The following TTN variants were observed in gnomAD, a reference collection of about 807,000 sequenced individuals.
TTN encodes the protein titin.
A neutral mutation model predicts 3,223.0 loss-of-function variants in TTN; 1,525 were observed. The observed-to-expected ratio is 0.47, with a 90% CI of 0.45 to 0.49. The LOEUF (loss-of-function observed/expected upper bound fraction) is 0.49. Ranked by LOEUF, TTN falls within the 20% of genes least tolerant of loss-of-function variation. TTN has a pLI of 0.00. For missense variants in TTN, 40,786 were observed against 43,424.0 expected, an observed-to-expected ratio of 0.94 and a Z score of 5.40; for synonymous variants, 14,094 against 15,161.0, an observed-to-expected ratio of 0.93 and a Z score of 5.17.
chr2:178,536,669 A>G, intron 356 of TTN, 94 bp from the exon 357 acceptor site: 1 of 1,134,558 alleles, frequency 8.8e-7, no homozygotes, highest in Non-Finnish European at 1.2e-6. Context: ...TGAGTCCAAA[A>G]TTTTGTTAAA....
In TTN at chr2:178,543,463, T is replaced by C; in HGVS notation, c.96510A>G (p.Val32170=). Residue 32170 remains valine, a synonymous_variant, in exon 347 of 363, where the codon GTA becomes GTG. Transcript: ENST00000589042. ...SKTLYRISGL[V]EGTMYYFRVL... ...CTCTGAAATAGTACATGGTTCCTTC[T>C]ACAAGTCCAGAAATTCTGTAAAGTG... 7 of 1,613,818 alleles carry C rather than the reference T, an allele frequency of 4.3e-6. No homozygotes were observed. The highest frequency in any genetic ancestry group is 5.9e-6 in the Non-Finnish European group (7 of 1,179,784).
intron 307 of TTN, 131 bp from the exon 308 acceptor site, chr2:178,586,938 A>G: frequency 7.3e-7 from 1 of 1,372,608 alleles, no homozygotes; most frequent in Non-Finnish European, 1.0e-6. Context: ...CATTAAAAGC[A>G]AAACATATAA....
At position 178,578,726 on chromosome 2, in the gene TTN, G is replaced by A; in HGVS notation, c.68225-11C>T. The A allele has an allele frequency of 6.2e-7, 1 of 1,606,926 alleles. No individual in the cohort carries two copies. Among genetic ancestry groups the A allele is most frequent in the Non-Finnish European group, 8.5e-7 (1 of 1,177,836 alleles). On this transcript the variant is annotated splice_polypyrimidine_tract_variant and intron_variant, in intron 320 of 362. Transcript: ENST00000589042. Reference sequence around the variant, plus strand: ...GAGCATCAGGCACATCTAGAAAAAAGTAGATAATGCAAGATTTATAATAAG... The same window carrying A: ...GAGCATCAGGCACATCTAGAAAAAAATAGATAATGCAAGATTTATAATAAG...
At position 178,609,377 on chromosome 2, in the gene TTN, T is replaced by C. The variant is rs770822382; in HGVS notation, c.51933A>G (p.Glu17311=). 25 of 1,612,218 alleles carry C rather than the reference T, an allele frequency of 1.6e-5. No individual in the cohort carries two copies. The highest frequency in any genetic ancestry group is 2.1e-5 in the Non-Finnish European group (25 of 1,179,050). Residue 17311 remains glutamate, a synonymous_variant, in exon 273 of 363, where the codon GAA becomes GAG. Transcript: ENST00000589042. ...VRRRKGEVQE[E]EPFVLPLTQR... is the part of the protein sequence containing the mutation. ...GTGTCAGAGGCAGGACAAATGGTTCTTCTTCTTGAACTTCACCCTTCCTTC... is the reference window on the plus strand; with the variant it reads ...GTGTCAGAGGCAGGACAAATGGTTCCTCTTCTTGAACTTCACCCTTCCTTC...
Position 178,629,347 on chromosome 2 carries a change from G to T in TTN, c.44378C>A (p.Pro14793Gln), listed in dbSNP as rs768644303. The change falls in exon 240 of 363, where the codon CCA (proline) becomes CAA (glutamine). Residue 14793 changes from proline to glutamine, a missense_variant. Coordinates refer to ENST00000589042, the MANE Select transcript of TTN (RefSeq NM_001267550.2). ...CTTCCCTTTGAGATACCATTCCACT[G>T]GGATATCTTCGTAGGAGAGCTCGCA... ...FDCELSYEDI[P>Q]VEWYLKGKKL... The T allele has an allele frequency of 1.2e-6, 2 of 1,612,866 alleles. No homozygotes were observed. The highest frequency in any genetic ancestry group is 2.2e-5 in the South Asian group (2 of 91,052).
chr2:178,631,423 A>C (rs1258007095), intron 236 of TTN, 123 bp from the exon 237 acceptor site: 8 of 1,087,142 alleles, frequency 7.4e-6, no homozygotes, highest in Non-Finnish European at 1.0e-5. Flanking sequence ...TCAAGTGTTC[A>C]ATCATTTAAC....
Position 178,677,786 on chromosome 2 carries a change from C to T in TTN, c.34126G>A (p.Glu11376Lys). Residue 11376 changes from glutamate to lysine, a missense_variant, in exon 146 of 363, where the codon GAA becomes AAA. By Grantham distance (56) the Glu-to-Lys change is moderately conservative. Transcript: ENST00000589042. ...ACTTCCTCTTCTTCAGGTAGAACTT[C>T]CTCTTCCTCAGGTAGAACTTCCTCT... The part of the protein sequence containing the change: ...EEEEVLPEEE[E>K]VLPEEEEVLP... 1 of 1,612,696 alleles carries T rather than the reference C, an allele frequency of 6.2e-7. No homozygotes were observed. Among genetic ancestry groups the T allele is most frequent in the Non-Finnish European group, 8.5e-7 (1 of 1,179,112 alleles).
chr2:178,555,253 A>T, intron 330 of TTN, 101 bp from the exon 331 acceptor site: 2 of 1,035,008 alleles, frequency 1.9e-6, no homozygotes, highest in Non-Finnish European at 2.8e-6. Flanking sequence ...TTATTAAATT[A>T]TACACACACA....
intron 153 of TTN, 49 bp from the exon 154 acceptor site, chr2:178,672,530 A>T (rs752938191): frequency 5.0e-6 from 8 of 1,602,750 alleles, no homozygotes; most frequent in Non-Finnish European, 6.8e-6. Context: ...GCAAGCTTTC[A>T]TAGACAAAAA....
rs184963961 is a variant in TTN, at chr2:178,557,425, T to C, written c.87837A>G (p.Arg29279=). The C allele has an allele frequency of 1.9e-4, 313 of 1,613,984 alleles. 2 individuals carry two copies. The highest frequency in any genetic ancestry group is 1.6e-5 in the Non-Finnish European group (19 of 1,179,858). Residue 29279 remains arginine (R), a synonymous_variant, in exon 329 of 363, where the codon AGA becomes AGG. Coordinates refer to ENST00000589042, the MANE Select transcript of TTN (RefSeq NM_001267550.2). ...TGGCTTTTTGCCATAAAATACTGTT[T>C]CTGTCTTTCATTTCCAGGTGATAGC... The part of the protein sequence containing the change: ...VVGYHLEMKD[R]NSILWQKANK...
At position 178,552,982 on chromosome 2, in the gene TTN, C is replaced by G. The variant is rs1183482452; in HGVS notation, c.89918G>C (p.Arg29973Thr). 2.5e-6 allele frequency: 4 copies of G among 1,612,352 alleles called. No individual in the cohort carries two copies. The South Asian group carries it at 4.4e-5, about 18-fold the overall frequency. ...AGACCATGTTCTCTTGGTGGCATCT[C>G]TCTTTTCAATGACATAATTAATTAT... ...SPIINYVIEK[R>T]DATKRTWSVV... Residue 29973 changes from arginine to threonine, a missense_variant, in exon 335 of 363, where the codon AGA (arginine) becomes ACA (threonine). Transcript: ENST00000589042.
chr2:178,615,751 G>A lies in TTN; in HGVS notation c.48350C>T (p.Pro16117Leu). 1 of 1,612,016 alleles carries A rather than the reference G, an allele frequency of 6.2e-7. No homozygotes were observed. Among genetic ancestry groups the A allele is most frequent in the South Asian group, 1.1e-5 (1 of 90,990 alleles). Residue 16117 changes from proline (P) to leucine (L), a missense_variant, in exon 258 of 363, where the codon CCT becomes CTT. By Grantham distance (98) the Pro-to-Leu change is moderately conservative. Transcript: ENST00000589042. ...DFVTDLEFTV[P>L]DLVQGKEYLF... ...GTACTCTTTTCCTTGAACAAGATCA[G>A]GAACTGTGAATTCTAGATCAGTCAC... is the stretch of plus-strand genomic sequence containing the variant.
intron 21 of TTN, 99 bp downstream of exon 21, chr2:178,781,022 A>G (rs1292130510): frequency 9.8e-6 from 15 of 1,532,386 alleles, no homozygotes; most frequent in Non-Finnish European, 1.3e-5. Context: ...AAGTATCAGA[A>G]CCAGTAAGTG....
chr2:178,710,194 C>A (rs749556175), intron 98 of TTN, among the ~76,000 whole-genome samples: 55 of 152,128 alleles, frequency 3.6e-4, no homozygotes, highest in Non-Finnish European at 6.9e-4. Flanking sequence ...GCCTGTAATC[C>A]CAGCACTTTG....
At position 178,634,704 on chromosome 2, in the gene TTN, A is replaced by G. The variant is rs769762631; in HGVS notation, c.42151+19T>C. On this transcript the variant is annotated intron_variant, in intron 229 of 362. Coordinates refer to ENST00000589042, the MANE Select transcript of TTN (RefSeq NM_001267550.2). The surrounding 1 kb of genome is among the most constrained non-coding windows in gnomAD (Gnocchi z 4.6). ...GAAATAAAGTTGAGACCCCTCCCCA[A>G]ATTCTAAAAGCCCCATACCTTTTAC... 1.3e-5 allele frequency: 21 copies of G among 1,612,566 alleles called. No individual in the cohort carries two copies. The East Asian group carries it at 3.6e-4, about 27-fold the overall frequency.
rs752978771 is a variant in TTN at position 178,527,311 on chromosome 2, T to G, written c.107681-4A>C. 5.0e-6 allele frequency: 8 copies of G among 1,585,780 alleles called. No individual in the cohort carries two copies. In the South Asian group the frequency reaches 9.2e-5, roughly 18 times the overall value. Reference sequence around the variant, plus strand: ...GCTTCAATTTTAGGCGGAATTCCTTTATGGAACAATGACAAAAAAAAGGTC... The same window carrying G: ...GCTTCAATTTTAGGCGGAATTCCTTGATGGAACAATGACAAAAAAAAGGTC... On this transcript the variant is annotated splice_region_variant and splice_polypyrimidine_tract_variant and intron_variant, in intron 362 of 362. Coordinates refer to ENST00000589042, the MANE Select transcript of TTN (RefSeq NM_001267550.2).
chr2:178,537,550 C>A lies in TTN; in HGVS notation c.99657G>T (p.Met33219Ile). Residue 33219 changes from methionine to isoleucine, a missense_variant, in exon 355 of 363, where the codon ATG becomes ATT. Transcript: ENST00000589042. ...TGGCAGGTACTGGACGACCAATGTA[C>A]ATAACATGAAGCCGAAGTGTGGAAC... Reference protein sequence around the residue: ...AVGSTLRLHVMYIGRPVPAMT... With the variant: ...AVGSTLRLHVIYIGRPVPAMT... The A allele has an allele frequency of 1.2e-6, 2 of 1,613,720 alleles. No homozygotes were observed. The highest frequency in any genetic ancestry group is 1.7e-6 in the Non-Finnish European group (2 of 1,179,758).
In TTN at chr2:178,590,522, G is replaced by A. The variant is rs779637589; in HGVS notation, c.61203C>T (p.Ser20401=). 1.2e-6 allele frequency: 2 copies of A among 1,612,910 alleles called. No individual in the cohort carries two copies. Among genetic ancestry groups the A allele is most frequent in the Admixed American group, 1.7e-5 (1 of 59,922 alleles). Residue 20401 remains serine, a synonymous_variant, in exon 304 of 363, where the codon AGC becomes AGT. Coordinates refer to ENST00000589042, the MANE Select transcript of TTN (RefSeq NM_001267550.2). ...VWTKPLSDGG[S]PILGYVVECQ... ...ATTCCACTACATATCCTAGAATGGG[G>A]CTACCACCATCACTGAGAGGCTTTG... is the stretch of plus-strand genomic sequence containing the variant.
intron 47 of TTN, chr2:178,751,043 G>A (rs779735395): frequency 6.2e-7 from 1 of 1,612,604 alleles, no homozygotes; most frequent in East Asian, 2.2e-5. Context: ...AAGTTCCTCA[G>A]ATTCTATATT....
Sources: allele counts gnomAD v4.1 joint callset (sites outside exome capture counted in the v4.1 genomes callset), GRCh38; gene constraint gnomAD v4.1.1; non-coding constraint Gnocchi (gnomAD v3.1); transcripts MANE v1.5; gene names NCBI Gene and HGNC (gene_info 2026-07-23, HGNC 2026-07-21).